The following TRIM49B variants were observed in gnomAD, a reference collection of about 807,000 sequenced individuals.
The protein encoded by TRIM49B is putative tripartite motif-containing protein 49B.
A neutral mutation model predicts 31.8 loss-of-function variants in TRIM49B; 18 were observed. The observed-to-expected ratio is 0.57, with a 90% CI of 0.39 to 0.84. The LOEUF (loss-of-function observed/expected upper bound fraction) is 0.84. Ranked by LOEUF, TRIM49B falls within the 40% of genes least tolerant of loss-of-function variation. The pLI is 0.00. For missense variants in TRIM49B, 494 were observed against 538.7 expected (o/e 0.92, Z 0.82); for synonymous variants, 196 against 180.6 (o/e 1.09, Z -0.68).
At position 49,037,705 on chromosome 11, in the gene TRIM49B, A is replaced by C. The variant is rs1391434768; in HGVS notation, c.1087A>C (p.Lys363Gln). The change falls in exon 7 of 7, where the codon AAA (lysine) becomes CAA (glutamine). Residue 363 changes from lysine to glutamine, a missense_variant. Transcript: ENST00000332682. ...WAFGVCNMYW[K>Q]EKNQNEKIDG... Reference sequence around the variant, plus strand: ...TTTTGGTGTCTGTAATATGTATTGGAAAGAGAAGAATCAGAATGAGAAGAT... The same window carrying C: ...TTTTGGTGTCTGTAATATGTATTGGCAAGAGAAGAATCAGAATGAGAAGAT... 9 of 1,613,828 alleles carry C rather than the reference A, an allele frequency of 5.6e-6. No individual in the cohort carries two copies. The highest frequency in any genetic ancestry group is 7.6e-6 in the Non-Finnish European group (9 of 1,179,860).
intron 5 of TRIM49B, 25 bp downstream of exon 5, chr11:49,035,142 A>T: frequency 6.2e-7 from 1 of 1,605,726 alleles, no homozygotes; most frequent in Non-Finnish European, 8.5e-7. Context: ...AGATTTTAGC[A>T]TATGTTCTTT....
At position 49,037,946 on chromosome 11, in the gene TRIM49B, T is replaced by G. The variant is rs765274452; in HGVS notation, c.1328T>G (p.Leu443Arg). 8 of 1,612,594 alleles carry G rather than the reference T, an allele frequency of 5.0e-6. No individual in the cohort carries two copies. The South Asian group carries it at 8.8e-5, about 18-fold the overall frequency. The change falls in exon 7 of 7, where the codon CTC (leucine) becomes CGC (arginine). Residue 443 changes from leucine to arginine, a missense_variant. Around this residue, in one of 3 missense-constraint regions of TRIM49B, gnomAD observed 233 missense variants for 281.4 expected, o/e 0.83. Coordinates refer to ENST00000332682, the MANE Select transcript of TRIM49B (RefSeq NM_001206626.2). ...TIPNCSFSPP[L>R]RPIFCCIHF ...CCTAATTGCTCTTTCTCACCTCCTC[T>G]CAGGCCTATCTTTTGCTGTATTCAC...
At chr11:49,033,172 C>T in intron 3 of TRIM49B, among the ~76,000 whole-genome samples, 3 of 152,064 alleles carry the variant, frequency 2.0e-5, no homozygotes, top group Non-Finnish European at 4.4e-5. Flanking sequence ...ACAAATCATA[C>T]AATCCAAATA....
chr11:49,032,233 G>T, intron 2 of TRIM49B, 43 bp from the exon 3 acceptor site: 2 of 1,612,404 alleles, frequency 1.2e-6, no homozygotes, highest in Non-Finnish European at 8.5e-7. Context: ...CCCTCCCTAT[G>T]TCATGGTCTG....
chr11:49,033,159 C>T (rs559464078), intron 3 of TRIM49B, among the ~76,000 whole-genome samples: 15 of 152,184 alleles, frequency 9.9e-5, no homozygotes, highest in African/African-American at 3.4e-4. Flanking sequence ...CACCTTTGTC[C>T]TCACAAATCA....
At position 49,037,783 on chromosome 11, in the gene TRIM49B, C is replaced by T. The variant is rs148381398; in HGVS notation, c.1165C>T (p.Arg389Cys). 9.7e-4 allele frequency: 1,570 copies of T among 1,613,934 alleles called. 13 individuals are homozygous for T. The African/African-American group carries it at 0.019, about 19-fold the overall frequency. The change falls in exon 7 of 7, where the codon CGC (arginine) becomes TGC (cysteine). Residue 389 changes from arginine to cysteine, a missense_variant. By Grantham distance (180) the Arg-to-Cys change is radical. This residue lies in a region of TRIM49B where 233 missense variants were observed against 281.4 expected (regional missense o/e 0.83). Transcript: ENST00000332682. ...LLGCVKNDIQ[R>C]SLFTTSPLLL... Reference sequence around the variant, plus strand: ...TGGGTGTGTTAAGAATGACATTCAACGCAGTCTCTTTACCACCTCCCCACT... The same window carrying T: ...TGGGTGTGTTAAGAATGACATTCAATGCAGTCTCTTTACCACCTCCCCACT...
In TRIM49B at chr11:49,031,647, C is replaced by T; in HGVS notation, c.48C>T (p.Pro16=). 1 of 1,613,964 alleles carries T rather than the reference C, an allele frequency of 6.2e-7. No homozygotes were observed. Among genetic ancestry groups the T allele is most frequent in the Non-Finnish European group, 8.5e-7 (1 of 1,179,866 alleles). The part of the protein sequence containing the change: ...LQVFQRELIC[P]ICMNYFIDPV... Reference sequence around the variant, plus strand: ...TCTTTCAGAGGGAACTCATCTGCCCCATCTGCATGAACTACTTCATAGACC... The same window carrying T: ...TCTTTCAGAGGGAACTCATCTGCCCTATCTGCATGAACTACTTCATAGACC... Residue 16 remains proline (P), a synonymous_variant, in exon 2 of 7, where the codon CCC becomes CCT. Coordinates refer to ENST00000332682, the MANE Select transcript of TRIM49B (RefSeq NM_001206626.2).
chr11:49,030,884 T>G (rs545868883), intron 1 of TRIM49B, among the ~76,000 whole-genome samples: 1 of 152,166 alleles, frequency 6.6e-6, no homozygotes, highest in African/African-American at 2.4e-5. Context: ...GGAAGTTAAT[T>G]TAATCCGCAA....
chr11:49,034,578 C>T (rs1006846207), intron 4 of TRIM49B, among the ~76,000 whole-genome samples: 9 of 151,960 alleles, frequency 5.9e-5, no homozygotes, highest in African/African-American at 1.9e-4. Context: ...CTTTATCCAC[C>T]AGCCACAAAA....
At position 49,031,926 on chromosome 11, in the gene TRIM49B, C is replaced by A. The variant is rs1464366510; in HGVS notation, c.327C>A (p.Ser109Arg). 1.9e-6 allele frequency: 3 copies of A among 1,612,020 alleles called. No individual in the cohort carries two copies. The African/African-American group carries it at 4.0e-5, about 22-fold the overall frequency. Residue 109 changes from serine (S) to arginine (R), a missense_variant, in exon 2 of 7, where the codon AGC (serine) becomes AGA (arginine). Transcript: ENST00000332682. The part of the protein sequence containing the change: ...TKKMFCEVDR[S>R]LLCLLCSSSQ... ...AGATGTTCTGTGAAGTGGACAGGAG[C>A]CTGCTCTGTTTGCTGTGCTCCAGCT...
intron 2 of TRIM49B, 130 bp from the exon 3 acceptor site, chr11:49,032,146 T>A: frequency 1.5e-5 from 24 of 1,592,370 alleles, no homozygotes; most frequent in Non-Finnish European, 2.1e-5. Context: ...GCTTCCAACC[T>A]CTGGGCTTTG....
chr11:49,038,031 G>T lies in TRIM49B; in HGVS notation c.*54G>T. 6.3e-7 allele frequency: 1 copy of T among 1,577,010 alleles called. No homozygotes were observed. Among genetic ancestry groups the T allele is most frequent in the Non-Finnish European group, 8.6e-7 (1 of 1,165,404 alleles). ...TGCTGTGGGAACCCCTTTATCCCAG[G>T]AAGTCCTCTTCCTTGTGCCTTAACA... is the stretch of plus-strand genomic sequence containing the variant. On this transcript the variant is annotated 3_prime_UTR_variant, in exon 7 of 7. Transcript: ENST00000332682.
intron 1 of TRIM49B, among the ~76,000 whole-genome samples, chr11:49,031,377 G>A (rs1833240050): frequency 6.6e-6 from 1 of 152,202 alleles, no homozygotes; most frequent in Non-Finnish European, 1.5e-5. Flanking sequence ...GGAACTAGGA[G>A]TAGAAGGGAC....
rs563482225 is a variant in TRIM49B at position 49,036,394 on chromosome 11, C to T, written c.855C>T (p.Phe285=). ...ITGLRDRLNQ[F]RVHITLHHEE... Reference sequence around the variant, plus strand: ...GACTGAGGGACAGGCTCAACCAATTCCGAGGTAAGTCTCCACCCACAGGCA... The same window carrying T: ...GACTGAGGGACAGGCTCAACCAATTTCGAGGTAAGTCTCCACCCACAGGCA... The change falls in exon 6 of 7, where the codon TTC becomes TTT. Residue 285 remains phenylalanine, a synonymous_variant. Transcript: ENST00000332682. 1 of 1,543,706 alleles carries T rather than the reference C, an allele frequency of 6.5e-7. No individual in the cohort carries two copies. Among genetic ancestry groups the T allele is most frequent in the Admixed American group, 1.9e-5 (1 of 53,052 alleles).
chr11:49,037,677 G>C lies in TRIM49B; in HGVS notation c.1059G>C (p.Trp353Cys), dbSNP rs771719018. ...TCCATGTAGGGGACTCCTGGAATTG[G>C]GCTTTTGGTGTCTGTAATATGTATT... is the stretch of plus-strand genomic sequence containing the variant. The part of the protein sequence containing the change: ...WEVHVGDSWN[W>C]AFGVCNMYWK... The change falls in exon 7 of 7, where the codon TGG (tryptophan) becomes TGC (cysteine). Residue 353 changes from tryptophan to cysteine, a missense_variant. This residue lies in a region of TRIM49B where 233 missense variants were observed against 281.4 expected (regional missense o/e 0.83). Coordinates refer to ENST00000332682, the MANE Select transcript of TRIM49B (RefSeq NM_001206626.2). 1 of 1,613,908 alleles carries C rather than the reference G, an allele frequency of 6.2e-7. No individual in the cohort carries two copies. Among genetic ancestry groups the C allele is most frequent in the Non-Finnish European group, 8.5e-7 (1 of 1,179,860 alleles).
intron 6 of TRIM49B, 147 bp from the exon 7 acceptor site, chr11:49,037,331 T>C: frequency 1.8e-6 from 2 of 1,131,166 alleles, no homozygotes; most frequent in South Asian, 3.4e-5. Context: ...GTTTGTCTTG[T>C]ATATAATATT....
intron 3 of TRIM49B, among the ~76,000 whole-genome samples, chr11:49,032,572 A>C (rs1043640821): frequency 6.6e-6 from 1 of 151,468 alleles, no homozygotes; most frequent in African/African-American, 2.4e-5. Flanking sequence ...ATTTCTAAGA[A>C]AACTACTGAT....
rs776956909 is a variant in TRIM49B, at chr11:49,034,328, T to G, written c.690T>G (p.Tyr230Ter). 1.2e-6 allele frequency: 2 copies of G among 1,611,970 alleles called. No homozygotes were observed. The highest frequency in any genetic ancestry group is 2.2e-5 in the South Asian group (2 of 90,980). The change falls in exon 4 of 7, where the codon TAT becomes TAG. Residue 230 changes from tyrosine (Y) to a stop codon, truncating the protein, a stop_gained. Coordinates refer to ENST00000332682, the MANE Select transcript of TRIM49B (RefSeq NM_001206626.2). LOFTEE classifies it high-confidence loss of function. ...AHRREILRGM[Y>*]EELNEMCHKP... ...GGAGGGAGATTTTAAGAGGAATGTA[T>G]GAGGAGCTGAACGAAATGTGCCATA... is the stretch of plus-strand genomic sequence containing the variant.
At chr11:49,033,990 C>T (rs192056556) in intron 3 of TRIM49B, among the ~76,000 whole-genome samples, 156 bp from the exon 4 acceptor site, 8 of 151,812 alleles carry the variant, frequency 5.3e-5, no homozygotes, top group African/African-American at 9.7e-5. Flanking sequence ...TTGATCTTTA[C>T]GCAGAAAAAA....
Sources: allele counts gnomAD v4.1 joint callset (sites outside exome capture counted in the v4.1 genomes callset), GRCh38; gene constraint gnomAD v4.1.1; regional missense constraint gnomAD v4.1.1; transcripts MANE v1.5; gene names NCBI Gene and HGNC (gene_info 2026-07-23, HGNC 2026-07-21).